Variants in SLC51A observed in about 807,000 individuals in gnomAD.
The protein encoded by SLC51A is solute carrier family 51 member A, also known as organic solute transporter subunit alpha.
In SLC51A, 22 loss-of-function variants were observed where a neutral mutation model predicts 34.8. The ratio of observed to expected loss-of-function variants is 0.63; its 90% confidence interval spans 0.45 to 0.90. The LOEUF (loss-of-function observed/expected upper bound fraction) is 0.90. SLC51A is among the 40% of genes least tolerant of loss of function. SLC51A has a pLI of 0.00. For missense variants in SLC51A, 371 were observed against 414.8 expected (o/e 0.89, Z 0.92); for synonymous variants, 181 against 176.3 (o/e 1.03, Z -0.21).
chr3:196,219,296 C>T (rs4916519), intron 2 of SLC51A, among the ~76,000 whole-genome samples: 71,955 of 152,066 alleles, frequency 0.47, 18,117 homozygotes, highest in East Asian at 0.82. Context: ...TCAGCTTATT[C>T]CCCGGACACC....
intron 2 of SLC51A, among the ~76,000 whole-genome samples, chr3:196,221,340 C>G (rs1723751504): frequency 6.6e-6 from 1 of 151,582 alleles, no homozygotes. Context: ...AAAATCACGG[C>G]TCACGGCAGC....
At chr3:196,220,909 A>C (rs1366593040) in intron 2 of SLC51A, among the ~76,000 whole-genome samples, 1 of 90,930 alleles carries the variant, frequency 1.1e-5, no homozygotes, top group Non-Finnish European at 2.3e-5. Context: ...TTTTTTTTTG[A>C]GACAGGGTCT....
chr3:196,232,950 G>A (rs1724058973), intron 8 of SLC51A, 113 bp from the exon 9 acceptor site: 1 of 1,100,990 alleles, frequency 9.1e-7, no homozygotes, highest in Non-Finnish European at 1.3e-6. Flanking sequence ...CCTAAGTCCT[G>A]ATTTGGGGAT....
Position 196,233,289 on chromosome 3 carries a change from T to G in SLC51A, c.*90T>G. 1 of 1,420,034 alleles carries G rather than the reference T, an allele frequency of 7.0e-7. No individual in the cohort carries two copies. Among genetic ancestry groups the G allele is most frequent in the Non-Finnish European group, 9.6e-7 (1 of 1,040,272 alleles). The allele number at this position is 1,420,034 out of a possible 1,614,324, so 88.0% of individuals were successfully genotyped here. A position where few individuals can be genotyped will look rare whatever the true frequency, so the allele number is the denominator to read the frequency against. ...CTCAACCTTGACCAAATGGGAAGCA[T>G]TCCCCCTTGTCAACACAAGCTGGCA... On this transcript the variant is annotated 3_prime_UTR_variant, in exon 9 of 9. Coordinates refer to ENST00000296327, the MANE Select transcript of SLC51A (RefSeq NM_152672.6).
rs775433060 is a variant in SLC51A at position 196,228,400 on chromosome 3, C to T, written c.521+127C>T. On this transcript the variant is annotated intron_variant, in intron 5 of 8. Transcript: ENST00000296327. This position sits in a 1 kb window ranked among gnomAD's most constrained non-coding sequence, Gnocchi z 4.9. ...CAGTGACGGAAGGGTGGGCATCCCA[C>T]GGCCAGGACCCACGGGCGCCACCCT... is the stretch of plus-strand genomic sequence containing the variant. The T allele has an allele frequency of 1.7e-4, 211 of 1,274,212 alleles. No individual in the cohort carries two copies. The highest frequency in any genetic ancestry group is 2.1e-4 in the Non-Finnish European group (196 of 949,126). The allele number at this position is 1,274,212 out of a possible 1,614,324, so 78.9% of individuals were successfully genotyped here. A position where few individuals can be genotyped will look rare whatever the true frequency, so the allele number is the denominator to read the frequency against.
intron 2 of SLC51A, among the ~76,000 whole-genome samples, chr3:196,221,503 C>T (rs755927120): frequency 1.4e-4 from 22 of 151,928 alleles, no homozygotes; most frequent in African/African-American, 4.4e-4. Flanking sequence ...CCAGCTCAAG[C>T]GATCCTCCTG....
intron 6 of SLC51A, among the ~76,000 whole-genome samples, chr3:196,229,160 A>C (rs1408077280): frequency 6.6e-6 from 1 of 152,168 alleles, no homozygotes; most frequent in Admixed American, 6.5e-5. Context: ...GCCATGATGC[A>C]TGGCTCACGA....
chr3:196,219,167 A>C (rs1723675546), intron 2 of SLC51A, among the ~76,000 whole-genome samples: 1 of 152,180 alleles, frequency 6.6e-6, no homozygotes, highest in African/African-American at 2.4e-5. Context: ...CGGAGGTTGC[A>C]GTGAGCCGAG....
chr3:196,218,485 AC>A (rs1336676705), intron 2 of SLC51A, among the ~76,000 whole-genome samples: 2 of 152,030 alleles, frequency 1.3e-5, no homozygotes, highest in East Asian at 3.9e-4. Flanking sequence ...GCCTCATTCC[AC>A]CCCTGAGCTC....
At chr3:196,225,587 C>T (rs1723874158) in intron 2 of SLC51A, 1 of 152,178 alleles carries the variant, frequency 6.6e-6, no homozygotes, top group Non-Finnish European at 1.5e-5. Flanking sequence ...AAGGAGGGTC[C>T]AATAACTAGA....
chr3:196,224,713 TGGGAGGGGAGGAGAG>T (rs1431020218), intron 2 of SLC51A, among the ~76,000 whole-genome samples: 2 of 49,602 alleles, frequency 4.0e-5, no homozygotes, highest in Non-Finnish European at 7.6e-5. Flanking sequence ...GGGGAGGAGA[TGGGAGGGGAGGAGAG>T]GGGAGGAGAG....
At chr3:196,224,671 C>T (rs867261763) in intron 2 of SLC51A, among the ~76,000 whole-genome samples, 1 of 125,046 alleles carries the variant, frequency 8.0e-6, no homozygotes. Flanking sequence ...AGTGAAACTT[C>T]GTTGAAAGAA....
chr3:196,230,311 A>G (rs976756169), intron 7 of SLC51A, among the ~76,000 whole-genome samples: 1 of 152,076 alleles, frequency 6.6e-6, no homozygotes, highest in Non-Finnish European at 1.5e-5. Context: ...GTCTTGTCTC[A>G]TTGTGCTGGA....
At position 196,228,020 on chromosome 3, in the gene SLC51A, C is replaced by T; in HGVS notation, c.363-95C>T. The T allele has an allele frequency of 2.0e-6, 3 of 1,515,112 alleles. No homozygotes were observed. Among genetic ancestry groups the T allele is most frequent in the Non-Finnish European group, 1.8e-6 (2 of 1,119,766 alleles). 93.9% of individuals were successfully genotyped at this position (1,515,112 alleles called of 1,614,324 possible). On this transcript the variant is annotated intron_variant, in intron 4 of 8. Coordinates refer to ENST00000296327, the MANE Select transcript of SLC51A (RefSeq NM_152672.6). This position sits in a 1 kb window ranked among gnomAD's most constrained non-coding sequence, Gnocchi z 4.9. ...TCTTGGGTCACACACCCAGAACGCC[C>T]AGCCCTAGCTCTGCTCCTCAGTAAG...
chr3:196,225,817 G>A (rs1328185655), intron 2 of SLC51A: 1 of 152,216 alleles, frequency 6.6e-6, no homozygotes, highest in Admixed American at 6.5e-5. Flanking sequence ...TAAAAATGCA[G>A]ATGACTGGGC....
chr3:196,227,120 G>T lies in SLC51A; in HGVS notation c.288+1G>T. On this transcript the variant is annotated splice_donor_variant, in intron 3 of 8. Transcript: ENST00000296327. LOFTEE classifies it high-confidence loss of function. ...GCTCTGGAAGAGCTCGGCACCCACG[G>T]TGAGGCCCCCGGGGCTGCCCTGTGG... is the stretch of plus-strand genomic sequence containing the variant. 6.2e-7 allele frequency: 1 copy of T among 1,613,554 alleles called. No homozygotes were observed. The highest frequency in any genetic ancestry group is 1.1e-5 in the South Asian group (1 of 91,076).
intron 8 of SLC51A, 103 bp from the exon 9 acceptor site, chr3:196,232,960 T>A (rs561624504): frequency 8.4e-7 from 1 of 1,183,556 alleles, no homozygotes; most frequent in African/African-American, 1.5e-5. Flanking sequence ...GATTTGGGGA[T>A]AAACTGGAGA....
At chr3:196,231,912 T>C (rs1307627895) in intron 7 of SLC51A, among the ~76,000 whole-genome samples, 4 of 151,688 alleles carry the variant, frequency 2.6e-5, no homozygotes, top group African/African-American at 9.7e-5. Flanking sequence ...TTAAGTACAT[T>C]CCCATAGTTG....
intron 2 of SLC51A, among the ~76,000 whole-genome samples, chr3:196,226,271 A>G (rs112174518): frequency 0.017 from 2,608 of 152,216 alleles, 83 homozygotes; most frequent in African/African-American, 0.059. Context: ...GCAGTGAGCC[A>G]TGATCACACC....
Sources: allele counts gnomAD v4.1 joint callset (sites outside exome capture counted in the v4.1 genomes callset), GRCh38; gene constraint gnomAD v4.1.1; non-coding constraint Gnocchi (gnomAD v3.1); transcripts MANE v1.5; gene names NCBI Gene and HGNC (gene_info 2026-07-23, HGNC 2026-07-21).